The following CNTN4 variants were observed in gnomAD, a reference collection of about 807,000 sequenced individuals.
The protein encoded by CNTN4 is contactin-4.
A neutral mutation model predicts 122.5 loss-of-function variants in CNTN4; 77 were observed. That is an observed-to-expected ratio of 0.63 (90% CI 0.52 to 0.76). The LOEUF is 0.76. CNTN4 is among the 30% of genes least tolerant of loss of function. The pLI is 0.00. For synonymous variants in CNTN4, 512 were observed against 447.0 expected, an observed-to-expected ratio of 1.15 and a Z score of -1.83; for missense variants, 1,256 against 1,259.1, an observed-to-expected ratio of 1.00 and a Z score of 0.04.
At chr3:2,633,026 A>G (rs770978651) in intron 4 of CNTN4, among the ~76,000 whole-genome samples, 2 of 149,460 alleles carry the variant, frequency 1.3e-5, no homozygotes, top group African/African-American at 2.4e-5. Flanking sequence ...TATAACATAT[A>G]TAAATTATAT....
intron 2 of CNTN4, among the ~76,000 whole-genome samples, chr3:2,126,055 A>G (rs1335790806): frequency 6.6e-6 from 1 of 152,108 alleles, no homozygotes; most frequent in East Asian, 1.9e-4. Context: ...GTGTGTCTTC[A>G]TTGCAAGCAT....
chr3:2,786,441 T>C (rs1306039680), intron 6 of CNTN4, among the ~76,000 whole-genome samples: 1 of 152,210 alleles, frequency 6.6e-6, no homozygotes, highest in Non-Finnish European at 1.5e-5. Flanking sequence ...CCTCTGCACC[T>C]GCTTACCTGC....
intron 13 of CNTN4, among the ~76,000 whole-genome samples, chr3:2,939,920 A>G (rs1315126381): frequency 6.6e-6 from 1 of 152,210 alleles, no homozygotes; most frequent in Non-Finnish European, 1.5e-5. Context: ...GATGTTAGCC[A>G]TCGGCAGAAT....
intron 10 of CNTN4, among the ~76,000 whole-genome samples, 156 bp from the exon 11 acceptor site, chr3:2,900,529 G>T (rs141484665): frequency 1.3e-5 from 2 of 152,148 alleles, no homozygotes; most frequent in Non-Finnish European, 2.9e-5. Flanking sequence ...TAGGGTATAG[G>T]CACCTCCCTG....
rs150350553 is a variant in CNTN4, at chr3:2,123,160, A to T, written c.-145+22521A>T. Among the ~76,000 whole-genome samples the T allele has an allele frequency of 1.6e-4, 24 of 152,340 alleles. 1 individual carries two copies. Among genetic ancestry groups the T allele is most frequent in the Middle Eastern group, 3.4e-3 (1 of 294 alleles). On this transcript the variant is annotated intron_variant, in intron 2 of 24. Transcript: ENST00000418658. ...TGGTAAATTATAGCTCTTGTTGAGCATTGACTATATGCCTAGCACCCTTGC... is the reference window on the plus strand; with the variant it reads ...TGGTAAATTATAGCTCTTGTTGAGCTTTGACTATATGCCTAGCACCCTTGC...
At chr3:2,286,436 T>G (rs2041906465) in intron 2 of CNTN4, among the ~76,000 whole-genome samples, 1 of 151,724 alleles carries the variant, frequency 6.6e-6, no homozygotes, top group South Asian at 2.1e-4. Flanking sequence ...AGAAAGGGCT[T>G]AGTTAGCTTT....
chr3:2,371,030 G>A (rs12631357), intron 3 of CNTN4, among the ~76,000 whole-genome samples: 17,817 of 152,216 alleles, frequency 0.12, 1,280 homozygotes, highest in Non-Finnish European at 0.16. Context: ...GAATTACAAT[G>A]TGAAGGTCTT....
chr3:2,721,935 C>T (rs1379719440), intron 4 of CNTN4, among the ~76,000 whole-genome samples: 1 of 152,196 alleles, frequency 6.6e-6, no homozygotes, highest in Non-Finnish European at 1.5e-5. Context: ...CCCCAGAGAG[C>T]TGCCTTTCCC....
chr3:2,457,985 C>T (rs1379598709), intron 3 of CNTN4, among the ~76,000 whole-genome samples: 1 of 151,876 alleles, frequency 6.6e-6, no homozygotes, highest in Non-Finnish European at 1.5e-5. Context: ...AAGATTCCTG[C>T]TCAGACCAAA....
At chr3:2,201,962 A>G (rs77157294) in intron 2 of CNTN4, among the ~76,000 whole-genome samples, 5,092 of 152,256 alleles carry the variant, frequency 0.033, 141 homozygotes, top group Non-Finnish European at 0.051. Context: ...CTTCCCACAT[A>G]TAAAATAAAA....
chr3:2,656,133 T>C (rs1006265632), intron 4 of CNTN4, among the ~76,000 whole-genome samples: 3 of 152,302 alleles, frequency 2.0e-5, no homozygotes, highest in South Asian at 4.1e-4. Flanking sequence ...AGGGAATTTT[T>C]AAAACAATTA....
At chr3:2,343,547 C>T (rs986468474) in intron 3 of CNTN4, among the ~76,000 whole-genome samples, 2 of 152,198 alleles carry the variant, frequency 1.3e-5, no homozygotes, top group Non-Finnish European at 2.9e-5. Context: ...TGGGAAACCT[C>T]TAGAGGGTAA....
At chr3:2,794,000 C>A (rs2092092908) in intron 6 of CNTN4, among the ~76,000 whole-genome samples, 1 of 151,966 alleles carries the variant, frequency 6.6e-6, no homozygotes, top group Non-Finnish European at 1.5e-5. Context: ...ACATGTACTG[C>A]CATGCATATT....
At chr3:2,216,193 C>A (rs1452164090) in intron 2 of CNTN4, among the ~76,000 whole-genome samples, 2 of 152,146 alleles carry the variant, frequency 1.3e-5, no homozygotes, top group Non-Finnish European at 2.9e-5. Flanking sequence ...CACCACGAAA[C>A]ACTATGCAGC....
At chr3:2,613,513 A>T (rs2081586042) in intron 4 of CNTN4, among the ~76,000 whole-genome samples, 1 of 152,132 alleles carries the variant, frequency 6.6e-6, no homozygotes. Context: ...AATGTACTGT[A>T]AAGCACTATT....
chr3:2,509,733 G>A (rs1486461617), intron 3 of CNTN4, among the ~76,000 whole-genome samples: 1 of 152,060 alleles, frequency 6.6e-6, no homozygotes, highest in Middle Eastern at 3.2e-3. Flanking sequence ...ACACAGTTTG[G>A]GTGGTCTTGG....
chr3:2,384,297 G>A (rs571175550), intron 3 of CNTN4, among the ~76,000 whole-genome samples: 2 of 152,202 alleles, frequency 1.3e-5, no homozygotes, highest in South Asian at 2.1e-4. Context: ...GCACCTGGAG[G>A]GCAAATGCTA....
At chr3:2,440,175 G>A (rs528686140) in intron 3 of CNTN4, among the ~76,000 whole-genome samples, 1 of 152,084 alleles carries the variant, frequency 6.6e-6, no homozygotes, top group Non-Finnish European at 1.5e-5. Context: ...AAGTTTTAGG[G>A]TACATGTGCA....
chr3:2,750,313 A>G (rs2149596784), intron 6 of CNTN4, among the ~76,000 whole-genome samples: 1 of 152,354 alleles, frequency 6.6e-6, no homozygotes, highest in South Asian at 2.1e-4. Flanking sequence ...TATTCAGAAG[A>G]TAGTCTTATA....
Sources: allele counts gnomAD v4.1 joint callset (sites outside exome capture counted in the v4.1 genomes callset), GRCh38; gene constraint gnomAD v4.1.1; transcripts MANE v1.5; gene names NCBI Gene and HGNC (gene_info 2026-07-23, HGNC 2026-07-21).